The following GABPB2 variants were observed in gnomAD, a reference collection of about 807,000 sequenced individuals.
GABPB2 encodes GA-binding protein subunit beta-2.
Under a neutral mutation model 39.1 loss-of-function variants are expected in GABPB2, and 23 were observed. That is an observed-to-expected ratio of 0.59 (90% confidence interval 0.42 to 0.83). The LOEUF is 0.83. Among genes scored for constraint, GABPB2 ranks in the 40% least tolerant of loss-of-function variants. The pLI is 0.00. For synonymous variants in GABPB2, 184 were observed against 199.3 expected, an observed-to-expected ratio of 0.92 and a Z score of 0.65; for missense variants, 467 against 541.1, an observed-to-expected ratio of 0.86 and a Z score of 1.36.
At chr1:151,100,857 G>A (rs1323388322) in intron 5 of GABPB2, among the ~76,000 whole-genome samples, 3 of 151,750 alleles carry the variant, frequency 2.0e-5, no homozygotes, top group Non-Finnish European at 4.4e-5. Flanking sequence ...CAAAGTGCTG[G>A]GATTACAGGC....
chr1:151,091,514 G>A (rs1293386676), intron 3 of GABPB2, among the ~76,000 whole-genome samples: 2 of 118,380 alleles, frequency 1.7e-5, no homozygotes, highest in South Asian at 3.0e-4. Flanking sequence ...TCGCACTATC[G>A]CCCAGGCTCG....
chr1:151,074,939 A>C (rs587769469), intron 1 of GABPB2, among the ~76,000 whole-genome samples: 1 of 152,060 alleles, frequency 6.6e-6, no homozygotes, highest in Non-Finnish European at 1.5e-5. Flanking sequence ...TCAGGAGTTC[A>C]AGACCAGCCT....
rs587672664 is a variant in GABPB2 at position 151,122,145 on chromosome 1, G to A, written c.*3889G>A. On this transcript the variant is annotated 3_prime_UTR_variant, in exon 9 of 9. Coordinates refer to ENST00000368918, the MANE Select transcript of GABPB2 (RefSeq NM_144618.3). ...AAACCAAATTTAACAAACAGAATTGGTTATTAGAGATTTATAGGCAAAAAT... is the reference window on the plus strand; with the variant it reads ...AAACCAAATTTAACAAACAGAATTGATTATTAGAGATTTATAGGCAAAAAT... 1 of 152,228 alleles carries A rather than the reference G, an allele frequency of 6.6e-6. No individual in the cohort carries two copies. Among genetic ancestry groups the A allele is most frequent in the Non-Finnish European group, 1.5e-5 (1 of 68,020 alleles). The allele number at this position is 152,228 out of a possible 1,614,324, so 9.4% of individuals were successfully genotyped here.
Position 151,088,219 on chromosome 1 carries a change from G to A in GABPB2, c.30G>A (p.Leu10=). ...CTTTGGTGGACTTGGGAAAGAGGTTGCTAGAAGCAGCAAGAAAAGGCCAAG... is the reference window on the plus strand; with the variant it reads ...CTTTGGTGGACTTGGGAAAGAGGTTACTAGAAGCAGCAAGAAAAGGCCAAG... MSLVDLGKR[L]LEAARKGQDD... The change falls in exon 2 of 9, where the codon TTG becomes TTA. Residue 10 remains leucine (L), a synonymous_variant. Coordinates refer to ENST00000368918, the MANE Select transcript of GABPB2 (RefSeq NM_144618.3). The A allele has an allele frequency of 6.2e-7, 1 of 1,614,074 alleles. No homozygotes were observed.
intron 4 of GABPB2, among the ~76,000 whole-genome samples, chr1:151,097,640 G>A (rs375395243): frequency 3.3e-5 from 5 of 152,010 alleles, no homozygotes; most frequent in African/African-American, 9.7e-5. Flanking sequence ...TTAGCTGGGC[G>A]TGGTGGCGTG....
intron 1 of GABPB2, among the ~76,000 whole-genome samples, chr1:151,072,704 G>A (rs587701544): frequency 1.3e-5 from 2 of 152,054 alleles, no homozygotes; most frequent in Non-Finnish European, 2.9e-5. Flanking sequence ...AAAATTAGCC[G>A]GGCGTGGTGG....
In GABPB2 at chr1:151,122,428, A is replaced by G. The variant is rs1681216144; in HGVS notation, c.*4172A>G. ...TGAGTCCCTTTGGGAACCAGGTGCT[A>G]ACAAGAAGCTGTTATGTGTGGGATT... On this transcript the variant is annotated 3_prime_UTR_variant, in exon 9 of 9. Coordinates refer to ENST00000368918, the MANE Select transcript of GABPB2 (RefSeq NM_144618.3). 6.6e-6 allele frequency: 1 copy of G among 152,114 alleles called. No individual in the cohort carries two copies. Among genetic ancestry groups the G allele is most frequent in the African/African-American group, 2.4e-5 (1 of 41,414 alleles). The allele number at this position is 152,114 out of a possible 1,614,324, so 9.4% of individuals were successfully genotyped here.
intron 4 of GABPB2, among the ~76,000 whole-genome samples, chr1:151,096,429 A>G (rs1451502248): frequency 1.3e-5 from 2 of 150,608 alleles, no homozygotes; most frequent in Non-Finnish European, 3.0e-5. Context: ...AAAAATAAAA[A>G]GAGAGAGAGA....
Position 151,118,491 on chromosome 1 carries a change from A to G in GABPB2, c.*235A>G, listed in dbSNP as rs1681053067. The G allele has an allele frequency of 2.2e-6, 1 of 445,514 alleles. No individual in the cohort carries two copies. The highest frequency in any genetic ancestry group is 3.3e-5 in the East Asian group (1 of 29,918). The allele number at this position is 445,514 out of a possible 1,614,324, so 27.6% of individuals were successfully genotyped here. A position where few individuals can be genotyped will look rare whatever the true frequency, so the allele number is the denominator to read the frequency against. Reference sequence around the variant, plus strand: ...TAAAGGACCAAATTTCTTAGCTCATATCATTGCTTTAAACATAGAAGTAAA... The same window carrying G: ...TAAAGGACCAAATTTCTTAGCTCATGTCATTGCTTTAAACATAGAAGTAAA... On this transcript the variant is annotated 3_prime_UTR_variant, in exon 9 of 9. Transcript: ENST00000368918.
chr1:151,071,559 T>G (rs1434220598), intron 1 of GABPB2, among the ~76,000 whole-genome samples: 1 of 146,178 alleles, frequency 6.8e-6, no homozygotes, highest in African/African-American at 2.5e-5. Flanking sequence ...AACCTCCGCT[T>G]CCCGGGTTCA....
rs753418103 is a variant in GABPB2 at position 151,075,097 on chromosome 1, G to A, written c.-1+4163G>A. Among the ~76,000 whole-genome samples the A allele has an allele frequency of 2.6e-5, 4 of 152,160 alleles. No homozygotes were observed. The South Asian group carries it at 6.2e-4, about 24-fold the overall frequency. On this transcript the variant is annotated intron_variant, in intron 1 of 8. Coordinates refer to ENST00000368918, the MANE Select transcript of GABPB2 (RefSeq NM_144618.3). ...GCAGAGGTTGTGGCGAGCCGAGATC[G>A]TGCCACCGCACTCCAGTCTGGGCGA...
chr1:151,118,107 G>A lies in GABPB2; in HGVS notation c.1198G>A (p.Val400Ile), dbSNP rs1681025315. Residue 400 changes from valine (V) to isoleucine (I), a missense_variant, in exon 9 of 9, where the codon GTT (valine) becomes ATT (isoleucine). Coordinates refer to ENST00000368918, the MANE Select transcript of GABPB2 (RefSeq NM_144618.3). ...CATAGCCCGACAGCAGCCCAATGGAGTTGATTTCACCATGGTTGAAGAGGT... is the reference window on the plus strand; with the variant it reads ...CATAGCCCGACAGCAGCCCAATGGAATTGATTTCACCATGGTTGAAGAGGT... ...EAIARQQPNG[V>I]DFTMVEEVAE... The A allele has an allele frequency of 3.1e-6, 5 of 1,614,070 alleles. No individual in the cohort carries two copies. In the African/African-American group the frequency reaches 4.0e-5, roughly 13 times the overall value.
chr1:151,090,514 A>G lies in GABPB2; in HGVS notation c.217A>G (p.Thr73Ala), dbSNP rs1571922477. Residue 73 changes from threonine (T) to alanine (A), a missense_variant, in exon 3 of 9, where the codon ACC becomes GCC. Transcript: ENST00000368918. ...SRDARTKVDR[T>A]PLHMAAADGH... Reference sequence around the variant, plus strand: ...GGATGCCCGGACTAAAGTAGACAGGACCCCCTTGCACATGGCTGCAGCCGA... The same window carrying G: ...GGATGCCCGGACTAAAGTAGACAGGGCCCCCTTGCACATGGCTGCAGCCGA... The G allele has an allele frequency of 2.5e-6, 4 of 1,613,856 alleles. No individual in the cohort carries two copies. The East Asian group carries it at 8.9e-5, about 36-fold the overall frequency.
chr1:151,092,020 C>T (rs928628307), intron 3 of GABPB2, among the ~76,000 whole-genome samples: 1 of 151,826 alleles, frequency 6.6e-6, no homozygotes, highest in Non-Finnish European at 1.5e-5. Context: ...TGGCCTTGCA[C>T]TCCTGGCCTC....
At chr1:151,088,066 G>A in intron 1 of GABPB2, 124 bp from the exon 2 acceptor site, 1 of 646,592 alleles carries the variant, frequency 1.5e-6, no homozygotes, top group East Asian at 2.8e-5. Flanking sequence ...TGACCTACCA[G>A]ACAGTCAACT....
chr1:151,107,526 G>A (rs1680062916), intron 7 of GABPB2, among the ~76,000 whole-genome samples: 1 of 150,526 alleles, frequency 6.6e-6, no homozygotes, highest in African/African-American at 2.4e-5. Context: ...CTTCAGAAGG[G>A]ATTCTCACTC....
In GABPB2 at chr1:151,093,386, G is replaced by T. The variant is rs1402713661; in HGVS notation, c.471G>T (p.Gln157His). ...KNNAEILVIL[Q>H]EAMQNQVNVN... The stretch of plus-strand genomic sequence containing the variant: ...ATGCTGAGATTTTGGTCATCCTCCA[G>T]GTGTGGTTCTTTTTATACTCTCCAG... Residue 157 changes from glutamine (Q) to histidine (H), a missense_variant and splice_region_variant, in exon 4 of 9, where the codon CAG becomes CAT. Physicochemically the swap from Gln to His is conservative, Grantham distance 24 (BLOSUM62 0). Transcript: ENST00000368918. 2 of 1,578,824 alleles carry T rather than the reference G, an allele frequency of 1.3e-6. No homozygotes were observed. Among genetic ancestry groups the T allele is most frequent in the Non-Finnish European group, 1.7e-6 (2 of 1,162,820 alleles).
rs746262553 is a variant in GABPB2 at position 151,107,222 on chromosome 1, G to A, written c.922G>A (p.Val308Ile). The change falls in exon 7 of 9, where the codon GTT (valine) becomes ATT (isoleucine). Residue 308 changes from valine (V) to isoleucine (I), a missense_variant and splice_region_variant. By Grantham distance (29) the Val-to-Ile change is conservative (BLOSUM62 3). Transcript: ENST00000368918. ...TGTAACTGTGCAAGATGGACAGCAA[G>A]GTGAGTTATCTCTTGTAGACAATTG... ...FIVTVQDGQQ[V>I]LTVPAGKVAE... 1 of 1,564,470 alleles carries A rather than the reference G, an allele frequency of 6.4e-7. No homozygotes were observed. Among genetic ancestry groups the A allele is most frequent in the Non-Finnish European group, 8.6e-7 (1 of 1,156,806 alleles).
At chr1:151,097,824 G>C in intron 4 of GABPB2, 28 bp from the exon 5 acceptor site, 1 of 1,594,512 alleles carries the variant, frequency 6.3e-7, no homozygotes, top group South Asian at 1.1e-5. Context: ...TAAGTGTTCT[G>C]ATTGAAATAT....
Sources: allele counts gnomAD v4.1 joint callset (sites outside exome capture counted in the v4.1 genomes callset), GRCh38; gene constraint gnomAD v4.1.1; transcripts MANE v1.5; gene names NCBI Gene and HGNC (gene_info 2026-07-23, HGNC 2026-07-21).